The following AATK variants were observed in gnomAD, a reference collection of about 807,000 sequenced individuals.
AATK encodes lemur tail kinase 1.
Under a neutral mutation model 114.3 loss-of-function variants are expected in AATK, and 91 were observed. That is an observed-to-expected ratio of 0.80 (90% CI 0.67 to 0.95). The LOEUF is 0.95. Among genes scored for constraint, AATK ranks in the 40% least tolerant of loss-of-function variants. AATK has a pLI of 0.00. For synonymous variants in AATK, 1,075 were observed against 916.5 expected (o/e 1.17, Z -3.12); for missense variants, 2,176 against 1,965.2 (o/e 1.11, Z -2.03).
chr17:81,141,957 C>T (rs145384786), intron 1 of AATK, among the ~76,000 whole-genome samples: 18 of 83,110 alleles, frequency 2.2e-4, no homozygotes, highest in South Asian at 1.2e-3. Context: ...CCTTCCTTTC[C>T]TTCCTTCCTT....
At chr17:81,153,599 G>A (rs1364548027) in intron 1 of AATK, among the ~76,000 whole-genome samples, 2 of 152,218 alleles carry the variant, frequency 1.3e-5, no homozygotes, top group African/African-American at 4.8e-5. Context: ...ATGGCAGGAT[G>A]AGAGGATGCT....
intron 1 of AATK, among the ~76,000 whole-genome samples, chr17:81,141,176 C>T (rs182838990): frequency 2.6e-5 from 4 of 152,296 alleles, no homozygotes; most frequent in Admixed American, 2.0e-4. Flanking sequence ...TTCGGCCGGG[C>T]GCGGTGGCTC....
In AATK at chr17:81,143,077, C is replaced by T. The variant is rs536196449; in HGVS notation, c.56-8576G>A. On this transcript the variant is annotated intron_variant, in intron 1 of 13. Coordinates refer to ENST00000326724, the MANE Select transcript of AATK (RefSeq NM_001080395.3). ...GGGGGATCCCAGCTTGGGGTGCTGC[C>T]GTCCGCAGCGTTGCCGGCACACGGC... Among the ~76,000 whole-genome samples the T allele has an allele frequency of 4.6e-5, 7 of 152,338 alleles. No individual in the cohort carries two copies. In the South Asian group the frequency reaches 6.2e-4, roughly 14 times the overall value.
intron 1 of AATK, among the ~76,000 whole-genome samples, chr17:81,161,136 G>T (rs971847752): frequency 3.3e-5 from 5 of 152,222 alleles, no homozygotes; most frequent in African/African-American, 1.2e-4. Flanking sequence ...CCCCAGATGT[G>T]TGTCCTGGGA....
intron 1 of AATK, among the ~76,000 whole-genome samples, chr17:81,150,320 G>A (rs185273997): frequency 2.6e-5 from 4 of 151,730 alleles, no homozygotes; most frequent in Non-Finnish European, 5.9e-5. Flanking sequence ...GTCAACGCTG[G>A]GTGGGGACAG....
At chr17:81,158,173 C>T (rs919405052) in intron 1 of AATK, among the ~76,000 whole-genome samples, 21 of 152,330 alleles carry the variant, frequency 1.4e-4, no homozygotes, top group African/African-American at 4.8e-4. Context: ...AACAGTCTGA[C>T]GCGCTAGTTC....
Position 81,119,834 on chromosome 17 carries a change from G to C in AATK, c.3883+102C>G, listed in dbSNP as rs1021086939. On this transcript the variant is annotated intron_variant, in intron 12 of 13. Coordinates refer to ENST00000326724, the MANE Select transcript of AATK (RefSeq NM_001080395.3). ...CCGCCTCCCACGCGTCAAGGACCAG[G>C]TGCTCCTCCCATGATGTCACACATT... The C allele has an allele frequency of 4.4e-6, 6 of 1,363,520 alleles. No homozygotes were observed. The African/African-American group carries it at 9.5e-5, about 22-fold the overall frequency. 84.5% of individuals were successfully genotyped at this position (1,363,520 alleles called of 1,614,324 possible). A position where few individuals can be genotyped will look rare whatever the true frequency, so the allele number is the denominator to read the frequency against.
At chr17:81,141,919 C>G (rs556649869) in intron 1 of AATK, among the ~76,000 whole-genome samples, 1 of 37,224 alleles carries the variant, frequency 2.7e-5, no homozygotes, top group Admixed American at 2.9e-4. Flanking sequence ...TTCTCCCTCT[C>G]CTTCCTTCCT....
intron 3 of AATK, among the ~76,000 whole-genome samples, chr17:81,129,732 C>A (rs556358416): frequency 9.8e-5 from 15 of 152,286 alleles, no homozygotes; most frequent in African/African-American, 2.9e-4. Flanking sequence ...TGCCCCTGGA[C>A]CCAAGGGCAG....
chr17:81,149,820 C>T (rs769189849), intron 1 of AATK, among the ~76,000 whole-genome samples: 4 of 152,156 alleles, frequency 2.6e-5, no homozygotes, highest in Non-Finnish European at 5.9e-5. Flanking sequence ...CGGCAGTCAG[C>T]CCCCATCAGC....
intron 1 of AATK, among the ~76,000 whole-genome samples, chr17:81,143,741 T>A (rs1010686604): frequency 4.6e-5 from 7 of 152,240 alleles, no homozygotes; most frequent in Admixed American, 1.3e-4. Flanking sequence ...TGGGGTGTGA[T>A]CCCCACGGGG....
intron 1 of AATK, among the ~76,000 whole-genome samples, chr17:81,137,585 A>G (rs559347772): frequency 1.1e-3 from 161 of 152,236 alleles, no homozygotes; most frequent in African/African-American, 3.9e-3. Flanking sequence ...AAGACAGACC[A>G]GGCTCTGACC....
At chr17:81,159,254 G>A (rs2061402238) in intron 1 of AATK, among the ~76,000 whole-genome samples, 1 of 152,218 alleles carries the variant, frequency 6.6e-6, no homozygotes, top group South Asian at 2.1e-4. Context: ...CACGATAGCA[G>A]CCCACGGGAC....
chr17:81,133,140 C>T, intron 2 of AATK: 1 of 450,614 alleles, frequency 2.2e-6, no homozygotes, highest in Non-Finnish European at 4.5e-6. Flanking sequence ...GCAGACCCCA[C>T]AGCCTGGGGC....
chr17:81,132,041 T>C, intron 2 of AATK: 1 of 1,302,836 alleles, frequency 7.7e-7, no homozygotes, highest in South Asian at 1.2e-5. Context: ...TATTTTGAAA[T>C]GTAGAGGCTG....
chr17:81,148,042 C>G (rs577492896), intron 1 of AATK, among the ~76,000 whole-genome samples: 11 of 105,660 alleles, frequency 1.0e-4, no homozygotes, highest in Admixed American at 2.6e-4. Flanking sequence ...TAACTATTTA[C>G]AAATCCTGAT....
At chr17:81,128,427 T>C (rs1306530571) in intron 4 of AATK, 43 bp downstream of exon 4, 8 of 1,547,282 alleles carry the variant, frequency 5.2e-6, no homozygotes, top group Non-Finnish European at 5.2e-6. Flanking sequence ...GTGTCCCTTC[T>C]GCCTCCCAGG....
Position 81,121,843 on chromosome 17 carries a change from G to C in AATK, c.2093C>G (p.Pro698Arg), listed in dbSNP as rs778635339. 1.3e-6 allele frequency: 2 copies of C among 1,595,072 alleles called. No individual in the cohort carries two copies. The highest frequency in any genetic ancestry group is 1.7e-6 in the Non-Finnish European group (2 of 1,177,478). The change falls in exon 11 of 14, where the codon CCC becomes CGC. Residue 698 changes from proline (P) to arginine (R), a missense_variant. By Grantham distance (103) the Pro-to-Arg change is moderately radical. Coordinates refer to ENST00000326724, the MANE Select transcript of AATK (RefSeq NM_001080395.3). Reference sequence around the variant, plus strand: ...CTCAGCGTGGCCGCCCGCAGAGACGGGGTCCCAGGACTCTGGACAGCGGCT... The same window carrying C: ...CTCAGCGTGGCCGCCCGCAGAGACGCGGTCCCAGGACTCTGGACAGCGGCT... Reference protein sequence around the residue: ...SGSRCPESWDPVSAGGHAEGC... With the variant: ...SGSRCPESWDRVSAGGHAEGC...
chr17:81,166,029 G>T lies in AATK; in HGVS notation c.-37C>A, dbSNP rs772031023. 16 of 1,501,920 alleles carry T rather than the reference G, an allele frequency of 1.1e-5. 1 individual carries two copies. Among genetic ancestry groups the T allele is most frequent in the Non-Finnish European group, 1.3e-5 (15 of 1,124,106 alleles). 93.0% of individuals were successfully genotyped at this position (1,501,920 alleles called of 1,614,324 possible). A position where few individuals can be genotyped will look rare whatever the true frequency, so the allele number is the denominator to read the frequency against. On this transcript the variant is annotated 5_prime_UTR_variant, in exon 1 of 14. Coordinates refer to ENST00000326724, the MANE Select transcript of AATK (RefSeq NM_001080395.3). ...CGGCCGGCGGGCATCCCGGGAGGGC[G>T]CTGCGCTCAGGACGCCCGCGGCCCC... is the stretch of plus-strand genomic sequence containing the variant.
Sources: gnomAD v4.1 joint callset for allele counts (sites outside exome capture counted in the v4.1 genomes callset) on GRCh38, gnomAD v4.1.1 for gene constraint, MANE v1.5 for transcripts, NCBI Gene and HGNC (gene_info 2026-07-23, HGNC 2026-07-21) for gene names.